The following SGPL1 variants were observed in gnomAD, a reference collection of about 807,000 sequenced individuals.
SGPL1 encodes the protein SP-lyase 1.
In SGPL1, 37 loss-of-function variants were observed where a neutral mutation model predicts 68.9. The ratio of observed to expected loss-of-function variants is 0.54; its 90% CI spans 0.41 to 0.71. The LOEUF is 0.71. Ranked by LOEUF, SGPL1 falls within the 30% of genes least tolerant of loss-of-function variation. The probability of loss-of-function intolerance (pLI) is 0.00; values close to 1 mark genes in which losing one functional copy is unlikely to be tolerated. For missense variants in SGPL1, 551 were observed against 704.6 expected (o/e 0.78, Z 2.47); for synonymous variants, 236 against 248.5 (o/e 0.95, Z 0.47).
rs577220754 is a variant in SGPL1, at chr10:70,881,114, A to G, written c.*3779A>G. The G allele has an allele frequency of 1.5e-4, 23 of 151,970 alleles. No homozygotes were observed. Among genetic ancestry groups the G allele is most frequent in the Non-Finnish European group, 2.8e-4 (19 of 67,996 alleles). 9.4% of individuals were successfully genotyped at this position (151,970 alleles called of 1,614,324 possible). A position where few individuals can be genotyped will look rare whatever the true frequency, so the allele number is the denominator to read the frequency against. ...TGTCTTGTAATCTTTTCTCTTCTTA[A>G]TATCCTTCCCTATAATTTCAATTAT... On this transcript the variant is annotated 3_prime_UTR_variant, in exon 15 of 15. Transcript: ENST00000373202.
In SGPL1 at chr10:70,862,076, A is replaced by C. The variant is rs574769315; in HGVS notation, c.615+2577A>C. ...CAGCTCCAGTCCTGCAGGCAGCTCCACCCGCAGCCCCGGTGCGGGATCCAC... is the reference window on the plus strand; with the variant it reads ...CAGCTCCAGTCCTGCAGGCAGCTCCCCCCGCAGCCCCGGTGCGGGATCCAC... On this transcript the variant is annotated intron_variant, in intron 7 of 14. Coordinates refer to ENST00000373202, the MANE Select transcript of SGPL1 (RefSeq NM_003901.4). 4.6e-5 allele frequency among the ~76,000 whole-genome samples: 7 copies of C among 152,274 alleles called. No homozygotes were observed. The East Asian group carries it at 1.4e-3, about 30-fold the overall frequency.
At chr10:70,857,460 T>C in intron 5 of SGPL1, 154 bp from the exon 6 acceptor site, 1 of 606,826 alleles carries the variant, frequency 1.6e-6, no homozygotes, top group Non-Finnish European at 2.9e-6. Flanking sequence ...TCTATTGAAC[T>C]TTTTTCTTGA....
chr10:70,842,961 G>C (rs1845738493), intron 2 of SGPL1, among the ~76,000 whole-genome samples: 1 of 151,400 alleles, frequency 6.6e-6, no homozygotes, highest in Admixed American at 6.6e-5. Flanking sequence ...AGACAGAAAT[G>C]GTCCCTGCCA....
At chr10:70,829,107 A>G (rs1845489626) in intron 2 of SGPL1, among the ~76,000 whole-genome samples, 1 of 152,212 alleles carries the variant, frequency 6.6e-6, no homozygotes, top group Non-Finnish European at 1.5e-5. Context: ...ATGCTTTCCC[A>G]ACAATCACGA....
chr10:70,822,465 A>C (rs1459143935), intron 2 of SGPL1, among the ~76,000 whole-genome samples: 1 of 152,222 alleles, frequency 6.6e-6, no homozygotes, highest in Non-Finnish European at 1.5e-5. Context: ...TATTATATAC[A>C]GTTTGTGCAC....
intron 3 of SGPL1, among the ~76,000 whole-genome samples, chr10:70,849,036 T>A (rs992723534): frequency 7.2e-5 from 11 of 152,226 alleles, no homozygotes; most frequent in Non-Finnish European, 1.5e-4. Context: ...TTTTTATTTT[T>A]AGTTTCTTCA....
At chr10:70,870,431 C>T (rs111990433) in intron 9 of SGPL1, among the ~76,000 whole-genome samples, 2 of 151,796 alleles carry the variant, frequency 1.3e-5, no homozygotes, top group African/African-American at 4.8e-5. Context: ...CACTTGAGCC[C>T]CAGGAGGTTG....
At chr10:70,873,763 A>C (rs1846337806) in intron 12 of SGPL1, among the ~76,000 whole-genome samples, 174 bp downstream of exon 12, 1 of 152,210 alleles carries the variant, frequency 6.6e-6, no homozygotes, top group Non-Finnish European at 1.5e-5. Flanking sequence ...CTGGGAGAAG[A>C]AGCTCCCTTT....
chr10:70,851,259 CTCTT>C (rs1564624856), intron 4 of SGPL1, 49 bp downstream of exon 4: 6 of 1,399,816 alleles, frequency 4.3e-6, no homozygotes, highest in Admixed American at 1.7e-5. Flanking sequence ...ATAATCATAC[CTCTT>C]TCTTTCTATT....
Position 70,877,759 on chromosome 10 carries a change from C to T in SGPL1, c.*424C>T, listed in dbSNP as rs1175355239. 6.5e-6 allele frequency: 1 copy of T among 154,834 alleles called. No individual in the cohort carries two copies. The highest frequency in any genetic ancestry group is 2.5e-5 in the African/African-American group (1 of 40,632). The allele number at this position is 154,834 out of a possible 1,614,324, so 9.6% of individuals were successfully genotyped here. ...GTTTACATAACAGATGTTTCCTCAG[C>T]TGGGTGTGAGGTATACTCTAAGCAG... On this transcript the variant is annotated 3_prime_UTR_variant, in exon 15 of 15. Coordinates refer to ENST00000373202, the MANE Select transcript of SGPL1 (RefSeq NM_003901.4).
rs117634940 is a variant in SGPL1 at position 70,869,584 on chromosome 10, T to C, written c.705-208T>C. On this transcript the variant is annotated intron_variant, in intron 8 of 14. Transcript: ENST00000373202. ...TCCTCTTCCTATTGCCAGAATGATT[T>C]CCTAAATAGGAGGGAAGTTTCTGCA... 1.2e-4 allele frequency among the ~76,000 whole-genome samples: 18 copies of C among 152,292 alleles called. No homozygotes were observed. The East Asian group carries it at 3.3e-3, about 28-fold the overall frequency.
At chr10:70,852,732 G>A (rs747099692) in intron 4 of SGPL1, among the ~76,000 whole-genome samples, 8 of 151,412 alleles carry the variant, frequency 5.3e-5, no homozygotes, top group East Asian at 4.0e-4. Context: ...GTGTGTGCGC[G>A]CGCACGCGTG....
intron 3 of SGPL1, among the ~76,000 whole-genome samples, chr10:70,846,242 G>T (rs1469365232): frequency 1.3e-5 from 2 of 152,132 alleles, no homozygotes; most frequent in African/African-American, 4.8e-5. Flanking sequence ...CTGCTCAATG[G>T]TTTGGATATG....
intron 2 of SGPL1, among the ~76,000 whole-genome samples, chr10:70,832,449 C>T (rs1179129747): frequency 1.3e-5 from 2 of 152,150 alleles, no homozygotes; most frequent in Admixed American, 6.5e-5. Flanking sequence ...AGTGTCTTAA[C>T]TCCCAGACAA....
In SGPL1 at chr10:70,857,630, G is replaced by C; in HGVS notation, c.426G>C (p.Glu142Asp). Residue 142 changes from glutamate to aspartate, a missense_variant, in exon 6 of 15, where the codon GAG becomes GAC. By Grantham distance (45) the Glu-to-Asp change is conservative. Coordinates refer to ENST00000373202, the MANE Select transcript of SGPL1 (RefSeq NM_003901.4). ...EYSSMDAFWQEGRASGTVYSG... is the reference protein window; with the variant it reads ...EYSSMDAFWQDGRASGTVYSG... Reference sequence around the variant, plus strand: ...TCTCTGCAGACGCCTTCTGGCAAGAGGGGAGAGCCTCTGGAACAGTGTACA... The same window carrying C: ...TCTCTGCAGACGCCTTCTGGCAAGACGGGAGAGCCTCTGGAACAGTGTACA... 4 of 1,613,362 alleles carry C rather than the reference G, an allele frequency of 2.5e-6. No homozygotes were observed. In the South Asian group the frequency reaches 4.4e-5, roughly 18 times the overall value.
At chr10:70,853,490 T>C (rs1845917921) in intron 4 of SGPL1, among the ~76,000 whole-genome samples, 1 of 152,202 alleles carries the variant, frequency 6.6e-6, no homozygotes, top group African/African-American at 2.4e-5. Flanking sequence ...TCTGCCTCCT[T>C]ACTCTGCTAT....
chr10:70,851,045 G>A, intron 3 of SGPL1, 98 bp from the exon 4 acceptor site: 1 of 888,592 alleles, frequency 1.1e-6, no homozygotes, highest in Non-Finnish European at 1.8e-6. Context: ...TTTGCAATTG[G>A]AAGGCAAGTG....
At chr10:70,839,539 C>T (rs772315945) in intron 2 of SGPL1, among the ~76,000 whole-genome samples, 10 of 152,014 alleles carry the variant, frequency 6.6e-5, no homozygotes, top group South Asian at 2.1e-4. Context: ...TCTTGTGTTT[C>T]TTCTTCTAGA....
intron 2 of SGPL1, among the ~76,000 whole-genome samples, chr10:70,831,768 A>G (rs1443119675): frequency 6.6e-6 from 1 of 152,178 alleles, no homozygotes; most frequent in East Asian, 1.9e-4. Context: ...GTGACTGGAC[A>G]CAGGAGGCAT....
Sources: allele counts gnomAD v4.1 joint callset (sites outside exome capture counted in the v4.1 genomes callset), GRCh38; gene constraint gnomAD v4.1.1; transcripts MANE v1.5; gene names NCBI Gene and HGNC (gene_info 2026-07-23, HGNC 2026-07-21).